Variants in LDB2 observed in about 807,000 individuals in gnomAD.
The protein encoded by LDB2 is LIM domain-binding protein 2.
LDB2 carries 12 observed loss-of-function variants against 44.3 expected under a neutral mutation model. The ratio of observed to expected loss-of-function variants is 0.27; its 90% CI spans 0.17 to 0.44. The LOEUF is 0.44. LDB2 is among the 20% of genes least tolerant of loss of function. The probability of loss-of-function intolerance (pLI) is 1.00; values close to 1 mark genes in which losing one functional copy is unlikely to be tolerated. For missense variants in LDB2, 344 were observed against 473.5 expected, an observed-to-expected ratio of 0.73 and a Z score of 2.54; for synonymous variants, 164 against 174.8, an observed-to-expected ratio of 0.94 and a Z score of 0.49.
At chr4:16,794,376 C>T (rs559426440) in intron 1 of LDB2, among the ~76,000 whole-genome samples, 145 of 152,320 alleles carry the variant, frequency 9.5e-4, no homozygotes, top group African/African-American at 3.3e-3. Context: ...GACTGCAGCT[C>T]CTCCTCAGCT....
At chr4:16,656,815 C>G (rs762851640) in intron 2 of LDB2, among the ~76,000 whole-genome samples, 8 of 152,066 alleles carry the variant, frequency 5.3e-5, no homozygotes, top group Non-Finnish European at 1.0e-4. Context: ...ATGATGGAAA[C>G]AGCATAATTT....
intron 2 of LDB2, among the ~76,000 whole-genome samples, chr4:16,605,914 T>C (rs893699248): frequency 6.6e-5 from 10 of 152,030 alleles, no homozygotes; most frequent in Non-Finnish European, 1.5e-4. Context: ...ATTTGGACTT[T>C]GGAGCAAAAA....
chr4:16,776,029 A>G (rs565969007), intron 1 of LDB2, among the ~76,000 whole-genome samples: 1 of 152,370 alleles, frequency 6.6e-6, no homozygotes, highest in African/African-American at 2.4e-5. Context: ...AGAGAGCTTT[A>G]GAAAATTGTG....
intron 2 of LDB2, among the ~76,000 whole-genome samples, chr4:16,707,528 A>G (rs1459933405): frequency 6.6e-6 from 1 of 152,192 alleles, no homozygotes; most frequent in Non-Finnish European, 1.5e-5. Flanking sequence ...TCACGTGATA[A>G]TTTCGAGGGT....
intron 5 of LDB2, among the ~76,000 whole-genome samples, chr4:16,585,408 G>T (rs1372360238): frequency 6.6e-6 from 1 of 152,160 alleles, no homozygotes; most frequent in Non-Finnish European, 1.5e-5. Flanking sequence ...CTGTAGAGAG[G>T]AAGAATCTCC....
intron 1 of LDB2, among the ~76,000 whole-genome samples, chr4:16,774,585 G>A (rs1771484287): frequency 6.6e-6 from 1 of 152,158 alleles, no homozygotes; most frequent in Non-Finnish European, 1.5e-5. Flanking sequence ...GCCTTTGAAA[G>A]ACACTATCAG....
chr4:16,596,540 C>A (rs528713474), intron 2 of LDB2, among the ~76,000 whole-genome samples: 2 of 152,302 alleles, frequency 1.3e-5, no homozygotes. Flanking sequence ...CTTCCCAACA[C>A]TATGTCTCCA....
chr4:16,813,599 C>T (rs1263385924), intron 1 of LDB2, among the ~76,000 whole-genome samples: 1 of 152,076 alleles, frequency 6.6e-6, no homozygotes, highest in African/African-American at 2.4e-5. Flanking sequence ...TTTTCATTTA[C>T]AAAACACTCT....
chr4:16,768,646 A>C (rs1262090036), intron 1 of LDB2, among the ~76,000 whole-genome samples: 2 of 152,186 alleles, frequency 1.3e-5, no homozygotes, highest in Non-Finnish European at 2.9e-5. Context: ...CCAAGACTGT[A>C]ACTGTGTTTT....
intron 1 of LDB2, chr4:16,826,587 T>G (rs1417264697): frequency 6.6e-6 from 1 of 152,238 alleles, no homozygotes; most frequent in Non-Finnish European, 1.5e-5. Context: ...TGCCTCACTC[T>G]GGTGAGCCAG....
chr4:16,855,626 A>G (rs1054538522), intron 1 of LDB2, among the ~76,000 whole-genome samples: 2 of 152,142 alleles, frequency 1.3e-5, no homozygotes, highest in Non-Finnish European at 2.9e-5. Flanking sequence ...ATTTATTGTC[A>G]ATGACAAACT....
At chr4:16,791,832 A>G (rs1323481184) in intron 1 of LDB2, among the ~76,000 whole-genome samples, 9 of 152,202 alleles carry the variant, frequency 5.9e-5, no homozygotes, top group Admixed American at 3.9e-4. Context: ...TTTACCTATA[A>G]TCTCCAGAAA....
chr4:16,681,484 A>T (rs536427298), intron 2 of LDB2, among the ~76,000 whole-genome samples: 2 of 152,280 alleles, frequency 1.3e-5, no homozygotes, highest in African/African-American at 4.8e-5. Context: ...TGGACTTCTG[A>T]CCTACAAAAC....
chr4:16,655,480 C>T (rs1271870528), intron 2 of LDB2, among the ~76,000 whole-genome samples: 4 of 152,098 alleles, frequency 2.6e-5, no homozygotes, highest in Non-Finnish European at 5.9e-5. Flanking sequence ...CCAGGGACGA[C>T]CCCACCCATC....
chr4:16,701,797 A>T (rs1001918621), intron 2 of LDB2, among the ~76,000 whole-genome samples: 1 of 152,144 alleles, frequency 6.6e-6, no homozygotes, highest in African/African-American at 2.4e-5. Context: ...TTTCCATGTC[A>T]TGTTTTCCTC....
At chr4:16,674,352 T>C (rs1239551894) in intron 2 of LDB2, 2 of 1,066,750 alleles carry the variant, frequency 1.9e-6, no homozygotes, top group Non-Finnish European at 1.3e-6. Context: ...GTCTCTGAGA[T>C]GCAAAGATAA....
chr4:16,857,664 C>T (rs1234685031), intron 1 of LDB2, among the ~76,000 whole-genome samples: 1 of 152,192 alleles, frequency 6.6e-6, no homozygotes, highest in East Asian at 1.9e-4. Flanking sequence ...ATGGCCTTGG[C>T]AGTGGCTCTT....
At chr4:16,828,723 C>T (rs1231788163) in intron 1 of LDB2, among the ~76,000 whole-genome samples, 3 of 152,090 alleles carry the variant, frequency 2.0e-5, no homozygotes, top group Non-Finnish European at 4.4e-5. Flanking sequence ...TAAAAAAATC[C>T]TATCTGAAAT....
intron 1 of LDB2, among the ~76,000 whole-genome samples, chr4:16,817,460 G>A (rs1208295672): frequency 6.6e-6 from 1 of 152,136 alleles, no homozygotes; most frequent in Non-Finnish European, 1.5e-5. Context: ...TAAGCCCCAT[G>A]GGGATATTCA....
Sources: allele counts gnomAD v4.1 joint callset (sites outside exome capture counted in the v4.1 genomes callset), GRCh38; gene constraint gnomAD v4.1.1; transcripts MANE v1.5; gene names NCBI Gene and HGNC (gene_info 2026-07-23, HGNC 2026-07-21).